Variants in THSD7B observed in about 807,000 individuals in gnomAD.
THSD7B encodes the protein thrombospondin type 1 domain containing 7B, also known as thrombospondin type-1 domain-containing protein 7B.
A neutral mutation model predicts 213.6 loss-of-function variants in THSD7B; 138 were observed. The ratio of observed to expected loss-of-function variants is 0.65; its 90% CI spans 0.56 to 0.74. The LOEUF is 0.74. Among genes scored for constraint, THSD7B ranks in the 30% least tolerant of loss-of-function variants. The pLI is 0.00. For synonymous variants in THSD7B, 742 were observed against 687.0 expected, an observed-to-expected ratio of 1.08 and a Z score of -1.25; for missense variants, 1,931 against 1,991.5, an observed-to-expected ratio of 0.97 and a Z score of 0.58.
intron 12 of THSD7B, among the ~76,000 whole-genome samples, chr2:137,321,973 A>G (rs1458825656): frequency 6.6e-6 from 1 of 152,152 alleles, no homozygotes; most frequent in Non-Finnish European, 1.5e-5. Flanking sequence ...CATTATGGGG[A>G]AGCAGATGCT....
chr2:137,638,843 G>A (rs749442390), intron 20 of THSD7B, among the ~76,000 whole-genome samples: 8 of 152,092 alleles, frequency 5.3e-5, no homozygotes, highest in Non-Finnish European at 7.4e-5. Context: ...GTGAAACTTC[G>A]AACTTGAGAG....
At chr2:137,044,671 T>TA (rs1340613429) in intron 2 of THSD7B, among the ~76,000 whole-genome samples, 3 of 152,198 alleles carry the variant, frequency 2.0e-5, no homozygotes, top group Non-Finnish European at 4.4e-5. Flanking sequence ...AATATTATAA[T>TA]AAAAACTGTG....
intron 2 of THSD7B, among the ~76,000 whole-genome samples, chr2:136,958,954 G>A (rs80196096): frequency 0.01 from 1,577 of 152,236 alleles, 13 homozygotes; most frequent in East Asian, 0.044. Context: ...TCAGACAGAC[G>A]CACCTCAGAG....
In THSD7B at chr2:137,168,132, G is replaced by A. The variant is rs111284197; in HGVS notation, c.1526-2609G>A. 1.5e-3 allele frequency among the ~76,000 whole-genome samples: 235 copies of A among 152,284 alleles called. 1 individual carries two copies. Among genetic ancestry groups the A allele is most frequent in the Admixed American group, 4.6e-3 (70 of 15,292 alleles). On this transcript the variant is annotated intron_variant, in intron 6 of 27. Coordinates refer to ENST00000409968, the MANE Select transcript of THSD7B (RefSeq NM_001316349.2). The stretch of plus-strand genomic sequence containing the variant: ...AAGTTACTGTCCCAGTCTTGGTAAA[G>A]GGTGGATGTTAGTTTATGCATGTGC...
intron 5 of THSD7B, among the ~76,000 whole-genome samples, chr2:137,141,245 C>T (rs1248505324): frequency 6.6e-6 from 1 of 152,114 alleles, no homozygotes; most frequent in African/African-American, 2.4e-5. Flanking sequence ...AGCATTACCA[C>T]AGCTCTGTGG....
Position 137,438,325 on chromosome 2 carries a change from G to A in THSD7B, c.2960-12520G>A, listed in dbSNP as rs1687334079. Among the ~76,000 whole-genome samples, 3 of 152,094 alleles carry A rather than the reference G, an allele frequency of 2.0e-5. No individual in the cohort carries two copies. The South Asian group carries it at 6.2e-4, about 31-fold the overall frequency. ...GAAACAGCAAATTTTCACCTACTGA[G>A]TGCTCACTGTGTGGTCAATACCGTT... is the stretch of plus-strand genomic sequence containing the variant. On this transcript the variant is annotated intron_variant, in intron 14 of 27. Transcript: ENST00000409968.
intron 14 of THSD7B, among the ~76,000 whole-genome samples, chr2:137,433,115 G>A (rs1021064931): frequency 6.6e-6 from 1 of 152,126 alleles, no homozygotes; most frequent in African/African-American, 2.4e-5. Flanking sequence ...TATATACACA[G>A]AATATGTAAT....
chr2:137,385,701 T>C (rs956765072), intron 12 of THSD7B, among the ~76,000 whole-genome samples: 3 of 152,174 alleles, frequency 2.0e-5, no homozygotes, highest in Non-Finnish European at 2.9e-5. Flanking sequence ...AAAAAGTCTC[T>C]TCTGGAACAG....
intron 2 of THSD7B, among the ~76,000 whole-genome samples, chr2:136,962,283 T>C (rs1349598434): frequency 6.6e-6 from 1 of 152,208 alleles, no homozygotes; most frequent in Non-Finnish European, 1.5e-5. Flanking sequence ...CAGTGAGATT[T>C]ATTTCAGACT....
intron 21 of THSD7B, 50 bp from the exon 22 acceptor site, chr2:137,655,451 T>G: frequency 8.4e-6 from 13 of 1,549,858 alleles, no homozygotes; most frequent in Non-Finnish European, 1.1e-5. Flanking sequence ...GCCAAAACTT[T>G]GAGATGTGAA....
At chr2:137,161,969 C>G (rs1680027827) in intron 6 of THSD7B, among the ~76,000 whole-genome samples, 1 of 152,170 alleles carries the variant, frequency 6.6e-6, no homozygotes, top group Non-Finnish European at 1.5e-5. Flanking sequence ...CATCACTTTG[C>G]TGCATGAAGT....
chr2:137,489,126 C>G (rs188359661), intron 15 of THSD7B, among the ~76,000 whole-genome samples: 2 of 152,146 alleles, frequency 1.3e-5, no homozygotes, highest in East Asian at 3.9e-4. Context: ...TATTGTCTCC[C>G]CTTCTTAGGA....
intron 2 of THSD7B, among the ~76,000 whole-genome samples, chr2:137,052,675 A>G (rs985009023): frequency 1.3e-5 from 2 of 152,170 alleles, no homozygotes; most frequent in African/African-American, 4.8e-5. Flanking sequence ...CAAGAGATGT[A>G]AGATTTCTCA....
At chr2:137,362,151 A>G (rs1685279351) in intron 12 of THSD7B, among the ~76,000 whole-genome samples, 1 of 152,222 alleles carries the variant, frequency 6.6e-6, no homozygotes, top group South Asian at 2.1e-4. Flanking sequence ...TAAGTGAAGG[A>G]GAAATAAAAT....
At chr2:137,466,662 A>C (rs1687996409) in intron 15 of THSD7B, among the ~76,000 whole-genome samples, 1 of 152,084 alleles carries the variant, frequency 6.6e-6, no homozygotes, top group African/African-American at 2.4e-5. Context: ...ATATACATGA[A>C]ACCAGTTTGC....
intron 10 of THSD7B, among the ~76,000 whole-genome samples, chr2:137,272,083 G>A (rs1195205825): frequency 1.3e-5 from 2 of 151,988 alleles, no homozygotes; most frequent in African/African-American, 2.4e-5. Context: ...TAAATGAATA[G>A]GTGACTAATA....
chr2:137,173,830 A>C lies in THSD7B; in HGVS notation c.1723+2892A>C, dbSNP rs572348090. ...TTTGGCAGAGAAGTGCTCCTGTTTGACTCCTACATATTATCAGGTTTTTTC... is the reference window on the plus strand; with the variant it reads ...TTTGGCAGAGAAGTGCTCCTGTTTGCCTCCTACATATTATCAGGTTTTTTC... On this transcript the variant is annotated intron_variant, in intron 7 of 27. Coordinates refer to ENST00000409968, the MANE Select transcript of THSD7B (RefSeq NM_001316349.2). Among the ~76,000 whole-genome samples, 13 of 152,128 alleles carry C rather than the reference A, an allele frequency of 8.5e-5. No homozygotes were observed. In the East Asian group the frequency reaches 2.5e-3, roughly 29 times the overall value.
chr2:137,112,777 G>C (rs2104936186), intron 4 of THSD7B, among the ~76,000 whole-genome samples: 1 of 151,968 alleles, frequency 6.6e-6, no homozygotes, highest in Middle Eastern at 3.4e-3. Context: ...ATGTACGTGT[G>C]TGTGTGTGTG....
At chr2:137,065,153 G>C (rs1252914681) in intron 3 of THSD7B, among the ~76,000 whole-genome samples, 1 of 151,858 alleles carries the variant, frequency 6.6e-6, no homozygotes, top group Admixed American at 6.6e-5. Context: ...CATGAACAAG[G>C]ATTATTTTTC....
Sources: gnomAD v4.1 joint callset for allele counts (sites outside exome capture counted in the v4.1 genomes callset) on GRCh38, gnomAD v4.1.1 for gene constraint, MANE v1.5 for transcripts, NCBI Gene and HGNC (gene_info 2026-07-23, HGNC 2026-07-21) for gene names.